FBXL13: variants seen among roughly 807,000 people sequenced by gnomAD.
The protein encoded by FBXL13 is F-box and leucine rich repeat protein 13.
Under a neutral mutation model 83.6 loss-of-function variants are expected in FBXL13, and 67 were observed. The ratio of observed to expected loss-of-function variants is 0.80; its 90% CI spans 0.66 to 0.98. FBXL13 has a LOEUF of 0.98. Among genes scored for constraint, FBXL13 ranks in the 50% least tolerant of loss-of-function variants. The pLI is 0.00. For synonymous variants in FBXL13, 272 were observed against 299.5 expected (o/e 0.91, Z 0.95); for missense variants, 822 against 866.5 (o/e 0.95, Z 0.64).
At chr7:102,854,821 G>A (rs1045706611) in exon 17 of FBXL13, 2 of 1,591,974 alleles carry the variant, frequency 1.3e-6, no homozygotes, top group Non-Finnish European at 1.7e-6. Context: ...GATACAGAAA[G>A]TTCCTTCAAT....
At chr7:102,872,728 T>C (rs1226087426) in intron 16 of FBXL13, among the ~76,000 whole-genome samples, 3 of 152,342 alleles carry the variant, frequency 2.0e-5, no homozygotes, top group Admixed American at 2.0e-4. Context: ...GAATGAATAA[T>C]AGCCCATTTA....
chr7:102,890,575 A>G (rs1364232237), intron 11 of FBXL13, among the ~76,000 whole-genome samples: 1 of 152,210 alleles, frequency 6.6e-6, no homozygotes, highest in Non-Finnish European at 1.5e-5. Context: ...GAGAAGACAG[A>G]CCTGTCTGTA....
At chr7:102,947,976 TG>T (rs1281240776) in intron 8 of FBXL13, among the ~76,000 whole-genome samples, 1 of 152,164 alleles carries the variant, frequency 6.6e-6, no homozygotes, top group Non-Finnish European at 1.5e-5. Flanking sequence ...CTGGAGCCTA[TG>T]CCCTGGATCA....
At chr7:103,025,200 A>G in exon 6 of FBXL13, 1 of 1,581,112 alleles carries the variant, frequency 6.3e-7, no homozygotes, top group Non-Finnish European at 8.6e-7. Context: ...CTATTTTTCC[A>G]TTTTTTCAAT....
intron 6 of FBXL13, among the ~76,000 whole-genome samples, chr7:102,999,171 T>C (rs1176371665): frequency 1.3e-5 from 2 of 152,328 alleles, no homozygotes; most frequent in African/African-American, 2.4e-5. Context: ...TCAGCATCTA[T>C]TGAAATGTTC....
At chr7:102,941,551 C>T (rs1821436184) in intron 8 of FBXL13, among the ~76,000 whole-genome samples, 1 of 152,128 alleles carries the variant, frequency 6.6e-6, no homozygotes, top group Non-Finnish European at 1.5e-5. Flanking sequence ...ATTGCAATTC[C>T]CCTGTCTTGA....
intron 2 of FBXL13, among the ~76,000 whole-genome samples, chr7:103,048,376 A>T (rs910823161): frequency 6.7e-6 from 1 of 148,882 alleles, no homozygotes; most frequent in Non-Finnish European, 1.5e-5. Flanking sequence ...TTTCCAAACA[A>T]TCTGTCTTTT....
chr7:102,894,380 T>C (rs1218164318), intron 11 of FBXL13, among the ~76,000 whole-genome samples: 1 of 152,194 alleles, frequency 6.6e-6, no homozygotes, highest in Non-Finnish European at 1.5e-5. Flanking sequence ...CCTAGAATAC[T>C]GTCCCTTTTC....
At chr7:103,011,769 T>C (rs1791655017) in intron 6 of FBXL13, among the ~76,000 whole-genome samples, 3 of 151,778 alleles carry the variant, frequency 2.0e-5, no homozygotes. Context: ...CTGGCTCTCC[T>C]AAATAATTCA....
At chr7:102,945,974 C>T (rs760176345) in intron 8 of FBXL13, among the ~76,000 whole-genome samples, 8 of 152,128 alleles carry the variant, frequency 5.3e-5, no homozygotes, top group African/African-American at 1.4e-4. Flanking sequence ...CTACGCCTTC[C>T]GGGTTCAAGC....
intron 6 of FBXL13, chr7:102,976,013 T>G (rs1348856593): frequency 1.3e-6 from 1 of 766,384 alleles, no homozygotes; most frequent in Non-Finnish European, 2.4e-6. Flanking sequence ...CAAACCCAGG[T>G]AAACCCACGA....
chr7:103,024,693 A>G lies in FBXL13; in HGVS notation c.495+370T>C, dbSNP rs1793651030. On this transcript the variant is annotated intron_variant, in intron 6 of 19. Transcript: ENST00000313221. ...AACCAGTAAGAAAATTATAGGAATT[A>G]CAATGTAAAAACAGACAAGATAGGA... Among the ~76,000 whole-genome samples the G allele has an allele frequency of 2.0e-5, 3 of 150,612 alleles. No individual in the cohort carries two copies. The South Asian group carries it at 6.3e-4, about 31-fold the overall frequency.
At chr7:103,056,066 A>C (rs956183153) in intron 1 of FBXL13, among the ~76,000 whole-genome samples, 2 of 152,000 alleles carry the variant, frequency 1.3e-5, no homozygotes, top group Non-Finnish European at 2.9e-5. Context: ...GCATCCTCAT[A>C]GTTTAGCTCC....
At chr7:102,895,621 T>C (rs1812159166) in intron 11 of FBXL13, among the ~76,000 whole-genome samples, 1 of 152,186 alleles carries the variant, frequency 6.6e-6, no homozygotes, top group African/African-American at 2.4e-5. Flanking sequence ...TAACCCATCG[T>C]TGCACACAGT....
chr7:103,032,589 G>A lies in FBXL13; in HGVS notation c.1-3171C>T, dbSNP rs566371301. On this transcript the variant is annotated intron_variant, in intron 2 of 19. Transcript: ENST00000313221. Reference sequence around the variant, plus strand: ...TTTGCATTGCAAACTCAGTTGATGCGAGGATTTCAATAGCTACAGAAAAAA... The same window carrying A: ...TTTGCATTGCAAACTCAGTTGATGCAAGGATTTCAATAGCTACAGAAAAAA... Among the ~76,000 whole-genome samples, 7 of 152,320 alleles carry A rather than the reference G, an allele frequency of 4.6e-5. No homozygotes were observed. In the South Asian group the frequency reaches 1.0e-3, roughly 23 times the overall value.
At chr7:102,846,272 C>A (rs1331641337) in intron 17 of FBXL13, among the ~76,000 whole-genome samples, 1 of 152,122 alleles carries the variant, frequency 6.6e-6, no homozygotes, top group African/African-American at 2.4e-5. Context: ...AAAGTCTAAT[C>A]CAAAATGTTT....
At chr7:102,815,419 A>G (rs1219222920) in intron 19 of FBXL13, among the ~76,000 whole-genome samples, 1 of 152,186 alleles carries the variant, frequency 6.6e-6, no homozygotes, top group African/African-American at 2.4e-5. Flanking sequence ...AGCAGCTTAC[A>G]CCAAGAAGGG....
At chr7:103,026,492 G>A (rs2129488336) in intron 5 of FBXL13, among the ~76,000 whole-genome samples, 1 of 152,302 alleles carries the variant, frequency 6.6e-6, no homozygotes, top group South Asian at 2.1e-4. Context: ...GGTACCCAAA[G>A]TAGAGCTGTT....
intron 7 of FBXL13, among the ~76,000 whole-genome samples, 172 bp from the exon 9 acceptor site, chr7:102,963,837 A>T (rs1825666326): frequency 6.6e-6 from 1 of 152,192 alleles, no homozygotes; most frequent in African/African-American, 2.4e-5. Flanking sequence ...ATATTTGCAA[A>T]CTATGCATCC....
Sources: gnomAD v4.1 joint callset for allele counts (sites outside exome capture counted in the v4.1 genomes callset) on GRCh38, gnomAD v4.1.1 for gene constraint, MANE v1.5 for transcripts, NCBI Gene and HGNC (gene_info 2026-07-23, HGNC 2026-07-21) for gene names.